The following IQGAP2 variants were observed in gnomAD, a reference collection of about 807,000 sequenced individuals.
IQGAP2 encodes the protein ras GTPase-activating-like protein IQGAP2.
In IQGAP2, 173 loss-of-function variants were observed where a neutral mutation model predicts 201.3. The observed-to-expected ratio is 0.86, with a 90% CI of 0.76 to 0.98. The LOEUF is 0.98. IQGAP2 is among the 50% of genes least tolerant of loss of function. The pLI, the probability that IQGAP2 is intolerant of heterozygous loss-of-function variation, is 0.00. For synonymous variants in IQGAP2, 675 were observed against 673.9 expected (o/e 1.00, Z -0.03); for missense variants, 1,687 against 1,864.8 (o/e 0.90, Z 1.76).
chr5:76,521,531 C>G (rs1431868810), intron 2 of IQGAP2, among the ~76,000 whole-genome samples: 1 of 152,204 alleles, frequency 6.6e-6, no homozygotes, highest in Non-Finnish European at 1.5e-5. Flanking sequence ...GAAAATGACT[C>G]ACTTTTAGGC....
chr5:76,618,170 G>A (rs1387239850), intron 13 of IQGAP2: 9 of 1,614,090 alleles, frequency 5.6e-6, no homozygotes, highest in Non-Finnish European at 7.6e-6. Flanking sequence ...GCAGAATGGA[G>A]CAGTACATGT....
intron 1 of IQGAP2, among the ~76,000 whole-genome samples, chr5:76,420,532 C>T (rs750185353): frequency 6.6e-5 from 10 of 152,054 alleles, no homozygotes; most frequent in Admixed American, 2.6e-4. Context: ...CCTGCCACCA[C>T]GCCCGGCTAA....
chr5:76,695,909 C>T (rs1030290591), intron 32 of IQGAP2, among the ~76,000 whole-genome samples: 2 of 130,778 alleles, frequency 1.5e-5, no homozygotes, highest in South Asian at 2.4e-4. Flanking sequence ...GGCACAATCT[C>T]GACTCTCTGC....
intron 14 of IQGAP2, among the ~76,000 whole-genome samples, chr5:76,628,305 TG>T (rs1375717706): frequency 6.6e-6 from 1 of 152,194 alleles, no homozygotes; most frequent in Admixed American, 6.5e-5. Flanking sequence ...CACCAGTCAA[TG>T]TAGGGGTTTG....
chr5:76,540,076 C>T (rs561728982), intron 2 of IQGAP2, among the ~76,000 whole-genome samples: 10 of 152,202 alleles, frequency 6.6e-5, no homozygotes, highest in South Asian at 2.1e-4. Flanking sequence ...AGGTTCAAAG[C>T]GCCCCAAGTT....
intron 2 of IQGAP2, among the ~76,000 whole-genome samples, chr5:76,533,807 G>A (rs548074111): frequency 6.6e-5 from 10 of 152,174 alleles, no homozygotes; most frequent in Non-Finnish European, 1.2e-4. Context: ...CAAAGTGCTG[G>A]GATTATAGGC....
chr5:76,497,066 G>A (rs1363290014), intron 2 of IQGAP2, among the ~76,000 whole-genome samples: 1 of 152,102 alleles, frequency 6.6e-6, no homozygotes, highest in African/African-American at 2.4e-5. Context: ...CTGACCTCAT[G>A]ATCCACCCAC....
intron 30 of IQGAP2, among the ~76,000 whole-genome samples, chr5:76,685,667 A>G (rs1745669822): frequency 6.6e-6 from 1 of 150,572 alleles, no homozygotes; most frequent in African/African-American, 2.5e-5. Context: ...CCCATTACCC[A>G]GCCTCTGCCC....
rs116745926 is a variant in IQGAP2 at position 76,597,111 on chromosome 5, G to A, written c.908-328G>A. 3.5e-3 allele frequency: 868 copies of A among 248,372 alleles called. 8 individuals carry two copies. Among genetic ancestry groups the A allele is most frequent in the African/African-American group, 0.017 (773 of 44,882 alleles). The allele number at this position is 248,372 out of a possible 1,614,324, so 15.4% of individuals were successfully genotyped here. On this transcript the variant is annotated intron_variant, in intron 9 of 35. Coordinates refer to ENST00000274364, the MANE Select transcript of IQGAP2 (RefSeq NM_006633.5). Reference sequence around the variant, plus strand: ...ACATGATGAGAAATCCTTAAGGACTGGAGCAATCTGAAGGCTTCAGGGAAG... The same window carrying A: ...ACATGATGAGAAATCCTTAAGGACTAGAGCAATCTGAAGGCTTCAGGGAAG...
intron 33 of IQGAP2, chr5:76,699,616 TCTCTCTC>T (rs1747096393): frequency 1.5e-5 from 1 of 64,566 alleles, no homozygotes; most frequent in Non-Finnish European, 3.3e-5. Context: ...TCTCTCTCTC[TCTCTCTC>T]TCTCTCTCTC....
intron 3 of IQGAP2, 143 bp from the exon 4 acceptor site, chr5:76,570,437 T>C: frequency 1.5e-6 from 1 of 647,400 alleles, no homozygotes; most frequent in South Asian, 1.9e-5. Context: ...AGCACGCCTC[T>C]GTTTGCTTTA....
chr5:76,461,351 G>A (rs1414894707), intron 1 of IQGAP2, among the ~76,000 whole-genome samples: 3 of 149,742 alleles, frequency 2.0e-5, no homozygotes, highest in Non-Finnish European at 4.4e-5. Flanking sequence ...CTGGGTGACA[G>A]TGCCAGTTCC....
At chr5:76,589,411 C>T (rs560746899) in intron 6 of IQGAP2, among the ~76,000 whole-genome samples, 36 of 151,730 alleles carry the variant, frequency 2.4e-4, no homozygotes, top group Admixed American at 1.3e-4. Context: ...GAAAACAGAC[C>T]TATCTTGTTT....
chr5:76,601,087 G>A (rs189131017), intron 11 of IQGAP2, 115 bp downstream of exon 11: 74 of 956,704 alleles, frequency 7.7e-5, no homozygotes, highest in Admixed American at 6.1e-4. Flanking sequence ...CATGTTTCTT[G>A]AAAACTAGTC....
intron 1 of IQGAP2, among the ~76,000 whole-genome samples, chr5:76,460,544 T>C (rs1754386319): frequency 2.1e-5 from 3 of 142,682 alleles, no homozygotes; most frequent in African/African-American, 8.2e-5. Context: ...TGACTAGACC[T>C]GTTCTGAGAG....
intron 20 of IQGAP2, among the ~76,000 whole-genome samples, chr5:76,658,075 T>C (rs986366149): frequency 6.6e-6 from 1 of 152,172 alleles, no homozygotes; most frequent in Non-Finnish European, 1.5e-5. Context: ...AAGTCACTTA[T>C]CTAGCTCAAG....
At chr5:76,668,987 T>G (rs1051322070) in intron 23 of IQGAP2, 143 bp downstream of exon 23, 1 of 527,186 alleles carries the variant, frequency 1.9e-6, no homozygotes, top group African/African-American at 2.0e-5. Flanking sequence ...TTGAGAATAC[T>G]TCTATATTAT....
chr5:76,609,815 T>G (rs970595471), intron 12 of IQGAP2, among the ~76,000 whole-genome samples: 3 of 144,510 alleles, frequency 2.1e-5, no homozygotes. Context: ...CTTGGCAGTG[T>G]GTGTATATGT....
At chr5:76,418,356 C>A (rs917770749) in intron 1 of IQGAP2, among the ~76,000 whole-genome samples, 4 of 151,826 alleles carry the variant, frequency 2.6e-5, no homozygotes, top group Non-Finnish European at 5.9e-5. Context: ...CTTAGCATTT[C>A]TTTTACTACG....
Sources: allele counts gnomAD v4.1 joint callset (sites outside exome capture counted in the v4.1 genomes callset), GRCh38; gene constraint gnomAD v4.1.1; transcripts MANE v1.5; gene names NCBI Gene and HGNC (gene_info 2026-07-23, HGNC 2026-07-21).